GPC1: variants seen among roughly 807,000 people sequenced by gnomAD.
The protein encoded by GPC1 is glypican 1, also known as glypican-1.
A neutral mutation model predicts 51.5 loss-of-function variants in GPC1; 26 were observed. The observed-to-expected ratio is 0.50, with a 90% CI of 0.37 to 0.70. GPC1 has a LOEUF of 0.70. GPC1 is among the 30% of genes least tolerant of loss of function. The pLI is 0.00. For missense variants in GPC1, 775 were observed against 800.5 expected (o/e 0.97, Z 0.38); for synonymous variants, 380 against 348.3 (o/e 1.09, Z -1.01).
Position 240,463,385 on chromosome 2 carries a change from G to A in GPC1, c.756G>A (p.Lys252=), listed in dbSNP as rs1344722823. The change falls in exon 4 of 9, where the codon AAG becomes AAA. Residue 252 remains lysine, a synonymous_variant. Transcript: ENST00000264039. ...LGPECSRAVM[K]LVYCAHCLGV... is the part of the protein sequence containing the mutation. ...CGGAGTGCTCGAGAGCTGTCATGAA[G>A]CTGGTCTACTGTGCTCACTGCCTGG... is the stretch of plus-strand genomic sequence containing the variant. 3.7e-6 allele frequency: 6 copies of A among 1,612,948 alleles called. 1 individual carries two copies. The South Asian group carries it at 6.6e-5, about 18-fold the overall frequency.
chr2:240,436,522 C>G (rs1417687994), intron 1 of GPC1, among the ~76,000 whole-genome samples: 1 of 152,182 alleles, frequency 6.6e-6, no homozygotes, highest in Non-Finnish European at 1.5e-5. Context: ...GCCGGGCTTT[C>G]GGGGCGCCGC....
intron 1 of GPC1, chr2:240,456,451 T>C (rs1343926526): frequency 2.6e-6 from 1 of 384,894 alleles, no homozygotes; most frequent in African/African-American, 2.1e-5. Context: ...CTCACTCGGT[T>C]CCTGTGGCCC....
intron 1 of GPC1, 134 bp from the exon 2 acceptor site, chr2:240,458,896 A>AC: frequency 1.4e-6 from 1 of 717,580 alleles, no homozygotes; most frequent in Non-Finnish European, 2.3e-6. Flanking sequence ...CACCCAGGGC[A>AC]CCCCCCAGGC....
chr2:240,439,631 G>C (rs952840030), intron 1 of GPC1, among the ~76,000 whole-genome samples: 1 of 152,198 alleles, frequency 6.6e-6, no homozygotes, highest in South Asian at 2.1e-4. Flanking sequence ...CAGAGGGCCT[G>C]GACCTCTCCT....
intron 1 of GPC1, among the ~76,000 whole-genome samples, chr2:240,437,801 C>G (rs1024784024): frequency 6.6e-6 from 1 of 152,240 alleles, no homozygotes; most frequent in Non-Finnish European, 1.5e-5. Flanking sequence ...TTCTTAGCAC[C>G]TCCATGTCCT....
chr2:240,450,621 C>T lies in GPC1; in HGVS notation c.167-8409C>T, dbSNP rs73102071. On this transcript the variant is annotated intron_variant, in intron 1 of 8. Coordinates refer to ENST00000264039, the MANE Select transcript of GPC1 (RefSeq NM_002081.3). ...CAAGGGAGCCCTCACCATGTGTGACCTCCCATTCAGGGGCGTGCCCCGTCG... is the reference window on the plus strand; with the variant it reads ...CAAGGGAGCCCTCACCATGTGTGACTTCCCATTCAGGGGCGTGCCCCGTCG... 5.3e-3 allele frequency: 2,484 copies of T among 470,818 alleles called. 60 individuals carry two copies. Among genetic ancestry groups the T allele is most frequent in the African/African-American group, 0.044 (2,221 of 50,168 alleles). 29.2% of individuals were successfully genotyped at this position (470,818 alleles called of 1,614,324 possible).
chr2:240,438,178 C>T (rs1023554174), intron 1 of GPC1, among the ~76,000 whole-genome samples: 1 of 152,208 alleles, frequency 6.6e-6, no homozygotes, highest in African/African-American at 2.4e-5. Context: ...CTCCTCCAGA[C>T]TTGCAAGGCC....
intron 2 of GPC1, among the ~76,000 whole-genome samples, chr2:240,459,532 C>G (rs2074199090): frequency 6.6e-6 from 1 of 152,222 alleles, no homozygotes; most frequent in East Asian, 1.9e-4. Context: ...TTGGCCAAAT[C>G]CTGCCTGCAG....
intron 1 of GPC1, chr2:240,455,952 G>A (rs752516121): frequency 1.5e-5 from 6 of 402,212 alleles, no homozygotes; most frequent in Non-Finnish European, 2.0e-5. Flanking sequence ...CCTGCCCGAG[G>A]CTCCCAGGCC....
rs1469998430 is a variant in GPC1, at chr2:240,440,120, C to T, written c.166+4036C>T. 2.0e-5 allele frequency among the ~76,000 whole-genome samples: 3 copies of T among 152,186 alleles called. No homozygotes were observed. In the East Asian group the frequency reaches 5.8e-4, roughly 29 times the overall value. ...AGGGAGAAGGTGCTGGGGCTGTGCA[C>T]CTCGTGGGCAGCCTCGGGCTGTGTC... On this transcript the variant is annotated intron_variant, in intron 1 of 8. Transcript: ENST00000264039.
At chr2:240,462,691 C>A in intron 3 of GPC1, 109 bp downstream of exon 3, 2 of 1,020,136 alleles carry the variant, frequency 2.0e-6, no homozygotes, top group Non-Finnish European at 2.8e-6. Context: ...GCCTCTGGGC[C>A]AGCCTCTGAC....
chr2:240,435,779 C>T lies in GPC1; in HGVS notation c.-140C>T. ...CGCCGGCTTTTGTTGTCTCCGCCTC[C>T]TCGGCCGCCGCCGCCTCTGGACCGC... On this transcript the variant is annotated 5_prime_UTR_variant, in exon 1 of 9. Coordinates refer to ENST00000264039, the MANE Select transcript of GPC1 (RefSeq NM_002081.3). 2.1e-6 allele frequency: 1 copy of T among 480,200 alleles called. No individual in the cohort carries two copies. Among genetic ancestry groups the T allele is most frequent in the Non-Finnish European group, 3.1e-6 (1 of 318,848 alleles). The allele number at this position is 480,200 out of a possible 1,614,324, so 29.7% of individuals were successfully genotyped here.
At chr2:240,463,263 CT>C in intron 3 of GPC1, 83 bp from the exon 4 acceptor site, 2 of 1,233,634 alleles carry the variant, frequency 1.6e-6, no homozygotes, top group South Asian at 2.6e-5. Context: ...CCAGAGCCCC[CT>C]ACCCTGGGGC....
chr2:240,451,324 C>T (rs190392138), intron 1 of GPC1: 11 of 462,026 alleles, frequency 2.4e-5, no homozygotes, highest in East Asian at 7.0e-5. Flanking sequence ...GCGTTTCTAG[C>T]GTGCCCCCTG....
chr2:240,436,972 G>A (rs762305515), intron 1 of GPC1, among the ~76,000 whole-genome samples: 1 of 152,250 alleles, frequency 6.6e-6, no homozygotes, highest in Non-Finnish European at 1.5e-5. Context: ...TGGGTGGAAC[G>A]GTGGGCTCCG....
Position 240,466,293 on chromosome 2 carries a change from G to T in GPC1, c.*3G>T. Reference sequence around the variant, plus strand: ...TAGCCAGGCCCCGGTGGCGGTAACTGCCCCAAGGCCCCAGGGACAGAGGCC... The same window carrying T: ...TAGCCAGGCCCCGGTGGCGGTAACTTCCCCAAGGCCCCAGGGACAGAGGCC... On this transcript the variant is annotated 3_prime_UTR_variant, in exon 9 of 9. Coordinates refer to ENST00000264039, the MANE Select transcript of GPC1 (RefSeq NM_002081.3). The T allele has an allele frequency of 6.8e-7, 1 of 1,477,074 alleles. No homozygotes were observed. Among genetic ancestry groups the T allele is most frequent in the African/African-American group, 1.4e-5 (1 of 72,504 alleles). 91.5% of individuals were successfully genotyped at this position (1,477,074 alleles called of 1,614,324 possible).
chr2:240,462,733 TG>T, intron 3 of GPC1, 151 bp downstream of exon 3: 1 of 673,712 alleles, frequency 1.5e-6, no homozygotes, highest in Non-Finnish European at 2.4e-6. Context: ...CCTCCTGCAT[TG>T]GCTGCTGCCC....
intron 1 of GPC1, among the ~76,000 whole-genome samples, chr2:240,438,006 G>GGACAGGCAGCATTC (rs1427796561): frequency 1.3e-5 from 2 of 152,190 alleles, no homozygotes; most frequent in African/African-American, 4.8e-5. Flanking sequence ...GGGGAATGCA[G>GGACAGGCAGCATTC]TGGGTTAGGG....
At position 240,462,214 on chromosome 2, in the gene GPC1, G is replaced by A. The variant is rs376569826; in HGVS notation, c.349G>A (p.Asp117Asn). Residue 117 changes from aspartate to asparagine, a missense_variant, in exon 3 of 9, where the codon GAC becomes AAC. By Grantham distance (23) the Asp-to-Asn change is conservative. Transcript: ENST00000264039. Reference sequence around the variant, plus strand: ...AGACCACTTCCAGCACCTGCTGAACGACTCGGAGCGGACGCTGCAGGCCAC... The same window carrying A: ...AGACCACTTCCAGCACCTGCTGAACAACTCGGAGCGGACGCTGCAGGCCAC... Reference protein sequence around the residue: ...FDDHFQHLLNDSERTLQATFP... With the variant: ...FDDHFQHLLNNSERTLQATFP... The A allele has an allele frequency of 6.3e-5, 101 of 1,602,758 alleles. No homozygotes were observed. Among genetic ancestry groups the A allele is most frequent in the South Asian group, 3.5e-4 (32 of 90,410 alleles).
Sources: gnomAD v4.1 joint callset for allele counts (sites outside exome capture counted in the v4.1 genomes callset) on GRCh38, gnomAD v4.1.1 for gene constraint, MANE v1.5 for transcripts, NCBI Gene and HGNC (gene_info 2026-07-23, HGNC 2026-07-21) for gene names.